Variants in ADAMTS16 observed in about 807,000 individuals in gnomAD.
ADAMTS16 encodes A disintegrin and metalloproteinase with thrombospondin motifs 16.
A neutral mutation model predicts 145.8 loss-of-function variants in ADAMTS16; 94 were observed. That is an observed-to-expected ratio of 0.64 (90% CI 0.55 to 0.77). The LOEUF (loss-of-function observed/expected upper bound fraction) is 0.77, where lower values mean the gene tolerates loss of function less well. Ranked by LOEUF, ADAMTS16 falls within the 30% of genes least tolerant of loss-of-function variation. ADAMTS16 has a pLI of 0.00. For synonymous variants in ADAMTS16, 659 were observed against 604.3 expected (o/e 1.09, Z -1.33); for missense variants, 1,585 against 1,591.5 (o/e 1.00, Z 0.07).
At chr5:5,206,810 A>G (rs1348160682) in intron 9 of ADAMTS16, among the ~76,000 whole-genome samples, 2 of 151,870 alleles carry the variant, frequency 1.3e-5, no homozygotes, top group African/African-American at 4.8e-5. Context: ...TAGATGACCA[A>G]TTGTTTCAGT....
At chr5:5,264,265 G>A (rs534146410) in intron 18 of ADAMTS16, among the ~76,000 whole-genome samples, 36 of 152,228 alleles carry the variant, frequency 2.4e-4, no homozygotes, top group African/African-American at 7.5e-4. Context: ...GGTTTCACAG[G>A]GGACCTGCCC....
intron 21 of ADAMTS16, among the ~76,000 whole-genome samples, chr5:5,311,666 C>A (rs1257373312): frequency 1.3e-5 from 2 of 151,838 alleles, no homozygotes; most frequent in Admixed American, 6.6e-5. Context: ...CCTGTCTCAG[C>A]CCCCCGAGTA....
intron 9 of ADAMTS16, among the ~76,000 whole-genome samples, chr5:5,203,387 C>T (rs1224957034): frequency 6.6e-6 from 1 of 152,168 alleles, no homozygotes; most frequent in South Asian, 2.1e-4. Flanking sequence ...CTGTTATATT[C>T]TCCACCAATT....
At chr5:5,187,651 G>C in intron 5 of ADAMTS16, 74 bp from the exon 6 acceptor site, 2 of 956,086 alleles carry the variant, frequency 2.1e-6, no homozygotes, top group East Asian at 4.8e-5. Flanking sequence ...AAGGGCGTTG[G>C]ATTCTAGGCC....
At chr5:5,151,959 C>T (rs1734475997) in intron 3 of ADAMTS16, among the ~76,000 whole-genome samples, 1 of 152,086 alleles carries the variant, frequency 6.6e-6, no homozygotes, top group African/African-American at 2.4e-5. Flanking sequence ...ATGTATTCAA[C>T]TTCTTTTTTA....
At chr5:5,315,279 GGGGATTATGGGATTATGACACTTA>G (rs913755841) in intron 21 of ADAMTS16, among the ~76,000 whole-genome samples, 3 of 152,140 alleles carry the variant, frequency 2.0e-5, no homozygotes, top group African/African-American at 7.2e-5. Context: ...CTGGTCATGC[GGGGATTATGGGATTATGACACTTA>G]GGGATTATGG....
chr5:5,296,965 G>T (rs528589402), intron 18 of ADAMTS16, among the ~76,000 whole-genome samples: 2 of 152,212 alleles, frequency 1.3e-5, no homozygotes, highest in Non-Finnish European at 2.9e-5. Flanking sequence ...GGGAGAGGTG[G>T]CCTTCCAGCA....
intron 17 of ADAMTS16, among the ~76,000 whole-genome samples, chr5:5,260,935 C>T (rs1737991179): frequency 6.6e-6 from 1 of 152,140 alleles, no homozygotes; most frequent in Admixed American, 6.5e-5. Flanking sequence ...TGTTGTATTT[C>T]CTTATGAGCA....
chr5:5,279,938 C>G (rs1452113955), intron 18 of ADAMTS16, among the ~76,000 whole-genome samples: 1 of 134,140 alleles, frequency 7.5e-6, no homozygotes. Context: ...TTCTTTCTTT[C>G]TTTCTTTTTC....
chr5:5,282,161 G>A (rs1044101567), intron 18 of ADAMTS16, among the ~76,000 whole-genome samples: 39 of 152,092 alleles, frequency 2.6e-4, no homozygotes, highest in African/African-American at 8.9e-4. Context: ...GATCATGGCC[G>A]TTCATTGTAG....
chr5:5,305,410 A>ACC (rs1740083148), intron 20 of ADAMTS16, among the ~76,000 whole-genome samples: 1 of 37,502 alleles, frequency 2.7e-5, no homozygotes, highest in Non-Finnish European at 5.4e-5. Flanking sequence ...ACACACACAC[A>ACC]TCCCACACCA....
chr5:5,234,990 C>G (rs1737054442), intron 12 of ADAMTS16, 24 bp from the exon 13 acceptor site: 1 of 1,494,676 alleles, frequency 6.7e-7, no homozygotes, highest in Admixed American at 2.0e-5. Flanking sequence ...TATAAAAATT[C>G]TAACTTCAAA....
chr5:5,311,995 G>A (rs1362619942), intron 21 of ADAMTS16, among the ~76,000 whole-genome samples: 2 of 152,150 alleles, frequency 1.3e-5, no homozygotes, highest in South Asian at 4.1e-4. Flanking sequence ...GGGATTACAG[G>A]CGTGAGCCAC....
In ADAMTS16 at chr5:5,208,023, A is replaced by G. The variant is rs115190634; in HGVS notation, c.1452-1070A>G. On this transcript the variant is annotated intron_variant, in intron 9 of 22. Coordinates refer to ENST00000274181, the MANE Select transcript of ADAMTS16 (RefSeq NM_139056.4). The stretch of plus-strand genomic sequence containing the variant: ...TTTGTCTGGTTTTGGTATTAGGATA[A>G]TGCTGACCTCATCTTAAAATTTAGA... 5.0e-3 allele frequency among the ~76,000 whole-genome samples: 755 copies of G among 152,292 alleles called. 3 individuals carry two copies. Among genetic ancestry groups the G allele is most frequent in the Non-Finnish European group, 8.3e-3 (566 of 68,028 alleles).
At chr5:5,275,112 A>G (rs567645424) in intron 18 of ADAMTS16, among the ~76,000 whole-genome samples, 1 of 152,344 alleles carries the variant, frequency 6.6e-6, no homozygotes, top group Admixed American at 6.5e-5. Flanking sequence ...GAAAAGTGCA[A>G]GCTTCATTCA....
At chr5:5,162,008 A>G (rs114585097) in intron 3 of ADAMTS16, among the ~76,000 whole-genome samples, 3 of 152,196 alleles carry the variant, frequency 2.0e-5, no homozygotes, top group African/African-American at 7.2e-5. Flanking sequence ...AGTGTACCCC[A>G]GTACCAAGGC....
At chr5:5,197,281 A>G (rs547513147) in intron 8 of ADAMTS16, among the ~76,000 whole-genome samples, 24 of 152,354 alleles carry the variant, frequency 1.6e-4, no homozygotes, top group African/African-American at 5.3e-4. Context: ...ATACTTCCCA[A>G]TAGTAATTGA....
chr5:5,185,984 G>A, intron 4 of ADAMTS16, 68 bp from the exon 5 acceptor site: 1 of 1,383,444 alleles, frequency 7.2e-7, no homozygotes, highest in Non-Finnish European at 1.0e-6. Flanking sequence ...ATTTCTCTAT[G>A]ACGAGTTACG....
At chr5:5,222,289 G>A (rs1403607433) in intron 10 of ADAMTS16, among the ~76,000 whole-genome samples, 1 of 151,192 alleles carries the variant, frequency 6.6e-6, no homozygotes, top group African/African-American at 2.4e-5. Context: ...CTTAATCACA[G>A]ATTTGGGGAT....
Sources: allele counts gnomAD v4.1 joint callset (sites outside exome capture counted in the v4.1 genomes callset), GRCh38; gene constraint gnomAD v4.1.1; transcripts MANE v1.5; gene names NCBI Gene and HGNC (gene_info 2026-07-23, HGNC 2026-07-21).